NFIC: variants seen among roughly 807,000 people sequenced by gnomAD.
NFIC encodes the protein nuclear factor I C.
NFIC carries 12 observed loss-of-function variants against 54.4 expected under a neutral mutation model. The ratio of observed to expected loss-of-function variants is 0.22; its 90% CI spans 0.14 to 0.36. The LOEUF (loss-of-function observed/expected upper bound fraction) is 0.36. Ranked by LOEUF, NFIC falls within the 10% of genes least tolerant of loss-of-function variation. The pLI is 1.00. For synonymous variants in NFIC, 322 were observed against 319.2 expected, an observed-to-expected ratio of 1.01 and a Z score of -0.09; for missense variants, 575 against 718.2, an observed-to-expected ratio of 0.80 and a Z score of 2.28.
At chr19:3,394,253 A>G (rs549292087) in intron 2 of NFIC, among the ~76,000 whole-genome samples, 235 of 152,024 alleles carry the variant, frequency 1.5e-3, no homozygotes, top group Middle Eastern at 6.8e-3. Context: ...CTGAGGTGGG[A>G]GGATCACTTG....
chr19:3,419,332 G>A (rs1458883841), intron 2 of NFIC, among the ~76,000 whole-genome samples: 1 of 152,068 alleles, frequency 6.6e-6, no homozygotes, highest in Non-Finnish European at 1.5e-5. Flanking sequence ...ATTTTGGCCA[G>A]GCATGGTGGT....
Position 3,359,728 on chromosome 19 carries a change from T to TG in NFIC, c.3+47dup, listed in dbSNP as rs750660326. ...CTTTCGTTTTCGCCCGGGGACTTTT[T>TG]GGGGTGGTGCGTGGGCTCCGGGCGA... On this transcript the variant is annotated intron_variant, in intron 1 of 9. Coordinates refer to the NFIC transcript ENST00000395111. 4.8e-5 allele frequency: 67 copies of TG among 1,407,826 alleles called. 1 individual carries two copies. In the African/African-American group the frequency reaches 9.3e-4, roughly 19 times the overall value. 87.2% of individuals were successfully genotyped at this position (1,407,826 alleles called of 1,614,324 possible).
Position 3,463,842 on chromosome 19 carries a change from T to C in NFIC, c.*1073T>C. 1 of 984,476 alleles carries C rather than the reference T, an allele frequency of 1.0e-6. No homozygotes were observed. The highest frequency in any genetic ancestry group is 1.2e-6 in the Non-Finnish European group (1 of 829,658). The allele number at this position is 984,476 out of a possible 1,614,324, so 61.0% of individuals were successfully genotyped here. A position where few individuals can be genotyped will look rare whatever the true frequency, so the allele number is the denominator to read the frequency against. On this transcript the variant is annotated 3_prime_UTR_variant, in exon 11 of 11. Coordinates refer to ENST00000443272, the MANE Select transcript of NFIC (RefSeq NM_001245002.2). ...GGTGAGAGCGAGTGGTTTAAGTGCCTGATTACCACCACCCGCCCCCCCCTT... is the reference window on the plus strand; with the variant it reads ...GGTGAGAGCGAGTGGTTTAAGTGCCCGATTACCACCACCCGCCCCCCCCTT...
At chr19:3,424,234 G>T (rs2081993693) in intron 2 of NFIC, among the ~76,000 whole-genome samples, 1 of 152,044 alleles carries the variant, frequency 6.6e-6, no homozygotes, top group Admixed American at 6.6e-5. Flanking sequence ...TGCCATGTTA[G>T]CCAGGCTGGT....
At position 3,451,313 on chromosome 19, in the gene NFIC, G is replaced by A. The variant is rs117805135; in HGVS notation, c.1085-1169G>A. Among the ~76,000 whole-genome samples the A allele has an allele frequency of 2.2e-4, 33 of 152,196 alleles. No homozygotes were observed. The East Asian group carries it at 5.4e-3, about 25-fold the overall frequency. On this transcript the variant is annotated intron_variant, in intron 7 of 10. Transcript: ENST00000443272. ...GCTGGGGGAGGAGGTGAGGAGTGAC[G>A]GCTGATGGAGACGGAATTTCTTTAT... is the stretch of plus-strand genomic sequence containing the variant.
At chr19:3,456,929 A>G (rs999712273) in intron 10 of NFIC, 4 of 469,276 alleles carry the variant, frequency 8.5e-6, no homozygotes, top group Non-Finnish European at 1.6e-5. Context: ...TGTCATTACC[A>G]CCTGCTTCCC....
Position 3,456,542 on chromosome 19 carries a change from C to G in NFIC, c.1424-8C>G. 1 of 1,551,574 alleles carries G rather than the reference C, an allele frequency of 6.4e-7. No homozygotes were observed. Among genetic ancestry groups the G allele is most frequent in the Non-Finnish European group, 8.7e-7 (1 of 1,146,860 alleles). On this transcript the variant is annotated splice_region_variant and splice_polypyrimidine_tract_variant and intron_variant, in intron 9 of 10. Transcript: ENST00000443272. ...CTAACGGGCTCTCGGTCTCTCTCCT[C>G]CCTGCAGCCTACTCTCCGCCCGACA...
chr19:3,407,335 G>A (rs190017452), intron 2 of NFIC, among the ~76,000 whole-genome samples: 1 of 151,910 alleles, frequency 6.6e-6, no homozygotes, highest in Admixed American at 6.6e-5. Context: ...GGATGGTCTC[G>A]ATCTCCTGAC....
chr19:3,417,459 G>T (rs911097604), intron 2 of NFIC, among the ~76,000 whole-genome samples: 1 of 152,062 alleles, frequency 6.6e-6, no homozygotes, highest in African/African-American at 2.4e-5. Flanking sequence ...GCAGATGGAA[G>T]CTGCCCACTG....
chr19:3,452,780 C>A lies in NFIC; in HGVS notation c.1269+114C>A. On this transcript the variant is annotated intron_variant, in intron 8 of 10. Transcript: ENST00000443272. This position sits in a 1 kb window ranked among gnomAD's most constrained non-coding sequence, Gnocchi z 5.3. The stretch of plus-strand genomic sequence containing the variant: ...GCTTAAAAGGGTCTTGAGGACTTGG[C>A]TCTGAAGTCCCCTCCTCTGTCGTGC... 7.9e-7 allele frequency: 1 copy of A among 1,261,840 alleles called. No individual in the cohort carries two copies. The highest frequency in any genetic ancestry group is 1.1e-6 in the Non-Finnish European group (1 of 922,316). 78.2% of individuals were successfully genotyped at this position (1,261,840 alleles called of 1,614,324 possible).
chr19:3,454,369 T>A, intron 9 of NFIC: 1 of 726,226 alleles, frequency 1.4e-6, no homozygotes, highest in Non-Finnish European at 1.7e-6. Context: ...GAGTTCTGGC[T>A]TCTTGGGGAG....
chr19:3,398,495 T>A (rs1319310024), intron 2 of NFIC, among the ~76,000 whole-genome samples: 1 of 152,090 alleles, frequency 6.6e-6, no homozygotes, highest in Non-Finnish European at 1.5e-5. Context: ...TGGGCCTCAG[T>A]TTCACCTTCA....
chr19:3,361,718 A>T (rs1006322333), upstream of NFIC, among the ~76,000 whole-genome samples: 2 of 151,652 alleles, frequency 1.3e-5, no homozygotes, highest in African/African-American at 4.8e-5. Flanking sequence ...CCAGCCTCAG[A>T]CTCACAGCTA....
chr19:3,434,880 C>G (rs2082173569), intron 5 of NFIC, among the ~76,000 whole-genome samples: 1 of 152,348 alleles, frequency 6.6e-6, no homozygotes, highest in South Asian at 2.1e-4. Flanking sequence ...TGCCTCTGGC[C>G]CGGGTGTCCC....
At chr19:3,399,268 A>G (rs1450662858) in intron 2 of NFIC, among the ~76,000 whole-genome samples, 1 of 152,212 alleles carries the variant, frequency 6.6e-6, no homozygotes, top group East Asian at 1.9e-4. Context: ...GGGAGAGTCA[A>G]TAAGACATAT....
chr19:3,433,738 GC>G, intron 4 of NFIC, 146 bp downstream of exon 4: 1 of 887,338 alleles, frequency 1.1e-6, no homozygotes, highest in Non-Finnish European at 1.8e-6. Flanking sequence ...AAGGGAGGTG[GC>G]CAGGCCCTTC....
upstream of NFIC, among the ~76,000 whole-genome samples, chr19:3,365,646 A>C (rs2080870053): frequency 6.6e-6 from 1 of 152,180 alleles, no homozygotes; most frequent in Admixed American, 6.5e-5. Context: ...ATCTGTGAAA[A>C]GGGCACACCC....
chr19:3,459,607 G>T lies in NFIC; in HGVS notation c.1509+2972G>T, dbSNP rs1380823332. 6.6e-6 allele frequency among the ~76,000 whole-genome samples: 1 copy of T among 152,144 alleles called. No homozygotes were observed. Among genetic ancestry groups the T allele is most frequent in the African/African-American group, 2.4e-5 (1 of 41,446 alleles). On this transcript the variant is annotated intron_variant, in intron 10 of 10. Transcript: ENST00000443272. This position sits in a 1 kb window ranked among gnomAD's most constrained non-coding sequence, Gnocchi z 4.2. ...TGAGTGGGAGGATGTGGAGTTGAGG[G>T]TGCCCCCACCCCACCCCCGCCCCAT...
chr19:3,372,808 G>A (rs1023389618), intron 1 of NFIC, among the ~76,000 whole-genome samples: 1 of 151,732 alleles, frequency 6.6e-6, no homozygotes, highest in African/African-American at 2.4e-5. Context: ...TCTCCTCCTC[G>A]AGGTAGTGGG....
Sources: allele counts gnomAD v4.1 joint callset (sites outside exome capture counted in the v4.1 genomes callset), GRCh38; gene constraint gnomAD v4.1.1; non-coding constraint Gnocchi (gnomAD v3.1); transcripts MANE v1.5; gene names NCBI Gene and HGNC (gene_info 2026-07-23, HGNC 2026-07-21).